Variants in DCC observed in about 807,000 individuals in gnomAD.
DCC encodes the protein DCC netrin 1 receptor, also known as netrin receptor DCC.
A neutral mutation model predicts 172.5 loss-of-function variants in DCC; 58 were observed. That is an observed-to-expected ratio of 0.34 (90% CI 0.27 to 0.42). The LOEUF (loss-of-function observed/expected upper bound fraction) is 0.42, where lower values mean the gene tolerates loss of function less well. Ranked by LOEUF, DCC falls within the 10% of genes least tolerant of loss-of-function variation. The pLI is 1.00. For missense variants in DCC, 1,740 were observed against 1,791.0 expected (o/e 0.97, Z 0.51); for synonymous variants, 709 against 644.5 (o/e 1.10, Z -1.52).
At chr18:52,758,770 A>G (rs1417062424) in intron 2 of DCC, 1 of 152,128 alleles carries the variant, frequency 6.6e-6, no homozygotes, top group Non-Finnish European at 1.5e-5. Flanking sequence ...AAATGTTTAT[A>G]TTCCTTCTCT....
At chr18:53,354,809 CTAACTAAA>C (rs58768910) in intron 15 of DCC, among the ~76,000 whole-genome samples, 72,642 of 125,274 alleles carry the variant, frequency 0.58, 22,773 homozygotes, top group Non-Finnish European at 0.62. Flanking sequence ...ATGGGGTTTT[CTAACTAAA>C]ACTTTTGGTG....
intron 1 of DCC, among the ~76,000 whole-genome samples, chr18:52,677,984 C>T (rs1462339723): frequency 6.6e-6 from 1 of 152,010 alleles, no homozygotes; most frequent in African/African-American, 2.4e-5. Context: ...ACAGAACAAA[C>T]AAAAGGAAGT....
intron 5 of DCC, among the ~76,000 whole-genome samples, chr18:52,985,885 G>A (rs904299151): frequency 2.6e-5 from 4 of 151,980 alleles, no homozygotes; most frequent in African/African-American, 4.8e-5. Flanking sequence ...CTCTGTTCTG[G>A]TTTTATAGTT....
intron 9 of DCC, among the ~76,000 whole-genome samples, chr18:53,188,685 T>A (rs1279229606): frequency 6.6e-6 from 1 of 152,182 alleles, no homozygotes; most frequent in Non-Finnish European, 1.5e-5. Flanking sequence ...AACAACAAAA[T>A]GTATTTTCTG....
intron 1 of DCC, among the ~76,000 whole-genome samples, chr18:52,354,383 T>C (rs1984266502): frequency 6.6e-6 from 1 of 152,230 alleles, no homozygotes; most frequent in Non-Finnish European, 1.5e-5. Context: ...TATGAGGGGA[T>C]GTTCTAATCG....
At position 52,859,329 on chromosome 18, in the gene DCC, A is replaced by G. The variant is rs9958601; in HGVS notation, c.413-46715A>G. ...CTCTTCACCTTCTGAAGTTTCACTG[A>G]GAAATCAACTGACAAAAAGAAGATT... On this transcript the variant is annotated intron_variant, in intron 2 of 28. Coordinates refer to ENST00000442544, the MANE Select transcript of DCC (RefSeq NM_005215.4). Among the ~76,000 whole-genome samples, 448 of 152,292 alleles carry G rather than the reference A, an allele frequency of 2.9e-3. 1 individual carries two copies. Among genetic ancestry groups the G allele is most frequent in the African/African-American group, 0.01 (425 of 41,552 alleles).
chr18:52,802,025 C>T (rs1369666952), intron 2 of DCC, among the ~76,000 whole-genome samples: 1 of 150,060 alleles, frequency 6.7e-6, no homozygotes, highest in Non-Finnish European at 1.5e-5. Flanking sequence ...TTTAACCATT[C>T]CCTTCTTTTT....
intron 7 of DCC, among the ~76,000 whole-genome samples, chr18:53,076,095 A>G (rs1172525176): frequency 6.6e-6 from 1 of 152,122 alleles, no homozygotes; most frequent in Non-Finnish European, 1.5e-5. Context: ...AACTCCTCTT[A>G]ATGACCTGGG....
rs142886730 is a variant in DCC at position 53,340,785 on chromosome 18, G to A, written c.2359+878G>A. 5.0e-4 allele frequency among the ~76,000 whole-genome samples: 76 copies of A among 152,180 alleles called. No homozygotes were observed. The East Asian group carries it at 5.4e-3, about 11-fold the overall frequency. On this transcript the variant is annotated intron_variant, in intron 15 of 28. Transcript: ENST00000442544. The stretch of plus-strand genomic sequence containing the variant: ...TGATTCTACCTGTTGATTTAATACC[G>A]TATTACATGACCCCACTGGAAATGC...
intron 20 of DCC, among the ~76,000 whole-genome samples, chr18:53,414,547 A>G (rs545518971): frequency 6.6e-6 from 1 of 152,276 alleles, no homozygotes; most frequent in Non-Finnish European, 1.5e-5. Context: ...CGCTTATAGA[A>G]TTGTAAAATT....
At chr18:52,412,330 C>A (rs1055799282) in intron 1 of DCC, among the ~76,000 whole-genome samples, 3 of 151,716 alleles carry the variant, frequency 2.0e-5, no homozygotes, top group Admixed American at 6.6e-5. Flanking sequence ...CCCTGTTACA[C>A]GGAGGATATG....
intron 5 of DCC, among the ~76,000 whole-genome samples, chr18:52,928,489 T>C (rs1408827999): frequency 6.6e-6 from 1 of 152,202 alleles, no homozygotes; most frequent in East Asian, 1.9e-4. Flanking sequence ...ACAGTTAATA[T>C]GCATTAGTAA....
chr18:53,347,897 A>C (rs894598570), intron 15 of DCC, among the ~76,000 whole-genome samples: 2 of 152,186 alleles, frequency 1.3e-5, no homozygotes, highest in Non-Finnish European at 2.9e-5. Context: ...ACCTGTTCCT[A>C]TAATTCAGCC....
chr18:52,520,287 A>G (rs1144057), intron 1 of DCC, among the ~76,000 whole-genome samples: 36,959 of 152,094 alleles, frequency 0.24, 4,634 homozygotes, highest in African/African-American at 0.29. Context: ...ATTTCCTATG[A>G]ATGGTCACTC....
At chr18:52,984,838 G>T (rs918561319) in intron 5 of DCC, among the ~76,000 whole-genome samples, 2 of 151,992 alleles carry the variant, frequency 1.3e-5, no homozygotes, top group African/African-American at 4.8e-5. Flanking sequence ...CGGTCAAATA[G>T]ATTATCTACT....
At chr18:53,228,349 G>A (rs191303150) in intron 12 of DCC, among the ~76,000 whole-genome samples, 86 of 152,184 alleles carry the variant, frequency 5.7e-4, no homozygotes, top group African/African-American at 1.8e-3. Flanking sequence ...GGTTATTTCC[G>A]TTACAATCTT....
intron 12 of DCC, among the ~76,000 whole-genome samples, chr18:53,267,197 C>T (rs2056688632): frequency 6.6e-6 from 1 of 151,428 alleles, no homozygotes; most frequent in South Asian, 2.1e-4. Context: ...CAGAGACAGA[C>T]ATAGACACAG....
intron 7 of DCC, among the ~76,000 whole-genome samples, chr18:53,099,046 T>TAG (rs887213095): frequency 8.5e-5 from 13 of 152,050 alleles, no homozygotes; most frequent in African/African-American, 3.1e-4. Flanking sequence ...TTGTATTCTG[T>TAG]AGAGAGGTAT....
At chr18:52,474,206 T>TAGAGAGAGAGAGAG (rs61277582) in intron 1 of DCC, among the ~76,000 whole-genome samples, 18 of 100,620 alleles carry the variant, frequency 1.8e-4, no homozygotes, top group African/African-American at 6.2e-4. Flanking sequence ...GTAACAGACC[T>TAGAGAGAGAGAGAG]AGAGAGAGAG....
Sources: gnomAD v4.1 joint callset for allele counts (sites outside exome capture counted in the v4.1 genomes callset) on GRCh38, gnomAD v4.1.1 for gene constraint, MANE v1.5 for transcripts, NCBI Gene and HGNC (gene_info 2026-07-23, HGNC 2026-07-21) for gene names.